The following MSN variants were observed in gnomAD, a reference collection of about 807,000 sequenced individuals.
The protein encoded by MSN is moesin, also known as epididymis luminal protein 70.
A neutral mutation model predicts 48.0 loss-of-function variants in MSN; 2 were observed. The ratio of observed to expected loss-of-function variants is 0.04; its 90% CI spans 0.02 to 0.13. The LOEUF is 0.13. Ranked by LOEUF, MSN falls within the 10% of genes least tolerant of loss-of-function variation. MSN has a pLI of 1.00. For synonymous variants in MSN, 146 were observed against 166.9 expected, an observed-to-expected ratio of 0.87 and a Z score of 0.97; for missense variants, 267 against 470.1, an observed-to-expected ratio of 0.57 and a Z score of 3.99.
At chrX:65,666,098 C>T (rs1462930190), upstream of MSN, among the ~76,000 whole-genome samples, 3 of 111,362 alleles carry the variant, frequency 2.7e-5, no homozygotes, top group Non-Finnish European at 3.8e-5. Context: ...GTGCAGCCTC[C>T]GCCTCCCGGA....
chrX:65,638,328 C>T (rs1340417984), intron 1 of MSN, among the ~76,000 whole-genome samples: 1 of 111,937 alleles, frequency 8.9e-6, no homozygotes, highest in African/African-American at 3.2e-5. Flanking sequence ...TGCTTAAGCT[C>T]CATCTTTTTG....
chrX:65,610,320 C>T (rs1362163121), intron 1 of MSN, among the ~76,000 whole-genome samples: 1 of 112,129 alleles, frequency 8.9e-6, no homozygotes, highest in South Asian at 3.6e-4. Context: ...TATGAATTTG[C>T]CCATTTTGAA....
chrX:65,619,254 T>C (rs1166661124), intron 1 of MSN, among the ~76,000 whole-genome samples: 1 of 103,179 alleles, frequency 9.7e-6, no homozygotes, highest in Non-Finnish European at 1.9e-5. Context: ...AACGTTGGCC[T>C]GCCTTGCTAG....
intron 1 of MSN, among the ~76,000 whole-genome samples, chrX:65,672,392 T>C (rs1378384126): frequency 8.9e-6 from 1 of 112,383 alleles, no homozygotes; most frequent in Non-Finnish European, 1.9e-5. Context: ...AAAAACAGGG[T>C]ACAGATGTGG....
At chrX:65,594,773 G>T in intron 1 of MSN, among the ~76,000 whole-genome samples, 1 of 111,495 alleles carries the variant, frequency 9.0e-6, no homozygotes, top group Non-Finnish European at 1.9e-5. Flanking sequence ...TGCCTTTGTT[G>T]TTTCCCTTGC....
chrX:65,606,454 G>T (rs1383463548), intron 1 of MSN, among the ~76,000 whole-genome samples: 1 of 110,719 alleles, frequency 9.0e-6, no homozygotes, highest in Non-Finnish European at 1.9e-5. Context: ...ACAGAGTCTT[G>T]CTCTGTTCCC....
At chrX:65,648,144 C>T (rs934935795) in intron 1 of MSN, among the ~76,000 whole-genome samples, 7 of 106,243 alleles carry the variant, frequency 6.6e-5, no homozygotes, top group Non-Finnish European at 1.2e-4. Context: ...GTGGGGGGGG[C>T]GTGAGGAAAA....
intron 1 of MSN, among the ~76,000 whole-genome samples, chrX:65,692,963 G>T (rs2071191567): frequency 8.9e-6 from 1 of 112,187 alleles, no homozygotes. Flanking sequence ...AAAGAAAAAA[G>T]AATATGTAAC....
Position 65,740,000 on chromosome X carries a change from C to A in MSN, c.*107C>A. On this transcript the variant is annotated 3_prime_UTR_variant, in exon 13 of 13. Transcript: ENST00000360270. ...TGCTGGAGCCACTAACTAGAGCAGC[C>A]CTGGAGTCATGCCAAGCATTTAATG... is the stretch of plus-strand genomic sequence containing the variant. 2.3e-6 allele frequency: 2 copies of A among 886,885 alleles called. No homozygotes were observed. 73.1% of individuals were successfully genotyped at this position (886,885 alleles called of 1,213,427 possible).
intron 1 of MSN, among the ~76,000 whole-genome samples, chrX:65,688,199 A>C (rs1203033516): frequency 8.9e-6 from 1 of 111,776 alleles, no homozygotes; most frequent in African/African-American, 3.3e-5. Flanking sequence ...TTTGATATTC[A>C]TCAACTCTCT....
chrX:65,733,046 G>A (rs1456047243), intron 6 of MSN, 138 bp from the exon 7 acceptor site: 7 of 447,864 alleles, frequency 1.6e-5, no homozygotes, highest in South Asian at 1.3e-4. Flanking sequence ...GTGAGACCTC[G>A]TCTCTATTTA....
chrX:65,642,291 A>C lies in MSN; in HGVS notation c.-22+53679A>C, dbSNP rs933720073. 5.4e-5 allele frequency among the ~76,000 whole-genome samples: 6 copies of C among 110,893 alleles called. 1 individual carries two copies. The highest frequency in any genetic ancestry group is 1.1e-4 in the Non-Finnish European group (6 of 52,948). ...TATTAATTGGCATGCAAAGATGCCC[A>C]AGAATACTGTTGAGTGAAAAAAAGC... On this transcript the variant is annotated intron_variant, in intron 1 of 3. Coordinates refer to the MSN transcript ENST00000609672.
At chrX:65,672,180 A>G (rs2070948720) in intron 1 of MSN, among the ~76,000 whole-genome samples, 1 of 112,152 alleles carries the variant, frequency 8.9e-6, no homozygotes, top group Non-Finnish European at 1.9e-5. Flanking sequence ...CAGGGTCCCC[A>G]GAGGGGAGAA....
intron 1 of MSN, among the ~76,000 whole-genome samples, chrX:65,634,040 G>A (rs1019227381): frequency 9.0e-6 from 1 of 111,088 alleles, no homozygotes; most frequent in African/African-American, 3.3e-5. Flanking sequence ...CCCCTGACTA[G>A]CTCCCATGAC....
intron 2 of MSN, among the ~76,000 whole-genome samples, chrX:65,722,267 A>T (rs1441735277): frequency 9.0e-6 from 1 of 111,130 alleles, no homozygotes; most frequent in Non-Finnish European, 1.9e-5. Flanking sequence ...GCTGATGCAG[A>T]TGCTGCCAAA....
At chrX:65,606,960 A>T (rs2070283769) in intron 1 of MSN, among the ~76,000 whole-genome samples, 1 of 112,604 alleles carries the variant, frequency 8.9e-6, no homozygotes, top group African/African-American at 3.2e-5. Context: ...AGTGGGTCAC[A>T]CACTGAGTGG....
chrX:65,594,091 T>G (rs1361322602), intron 1 of MSN, among the ~76,000 whole-genome samples: 1 of 111,695 alleles, frequency 9.0e-6, no homozygotes, highest in Admixed American at 9.5e-5. Context: ...ATCAGAATTA[T>G]GGCAAAACAT....
At chrX:65,711,605 C>T (rs1259450817) in intron 1 of MSN, among the ~76,000 whole-genome samples, 1 of 112,419 alleles carries the variant, frequency 8.9e-6, no homozygotes, top group East Asian at 2.8e-4. Context: ...CTAATAAGAC[C>T]TAGTGCTCGG....
chrX:65,594,360 G>T (rs779826963), intron 1 of MSN, among the ~76,000 whole-genome samples: 5 of 110,437 alleles, frequency 4.5e-5, no homozygotes, highest in African/African-American at 1.7e-4. Flanking sequence ...CCAAATAAAA[G>T]TAGAGAAGAC....
Sources: allele counts gnomAD v4.1 joint callset (sites outside exome capture counted in the v4.1 genomes callset), GRCh38; gene constraint gnomAD v4.1.1; transcripts MANE v1.5; gene names NCBI Gene and HGNC (gene_info 2026-07-23, HGNC 2026-07-21).